Variants in PPP1R42 observed in about 807,000 individuals in gnomAD.
PPP1R42 encodes leucine rich repeat containing 67.
A neutral mutation model predicts 31.0 loss-of-function variants in PPP1R42; 34 were observed. The ratio of observed to expected loss-of-function variants is 1.10; its 90% CI spans 0.83 to 1.46. The LOEUF (loss-of-function observed/expected upper bound fraction) is 1.46. Among genes scored for constraint, PPP1R42 ranks in the 40% most tolerant of loss-of-function variants. The pLI, the probability that PPP1R42 is intolerant of heterozygous loss-of-function variation, is 0.00. For synonymous variants in PPP1R42, 103 were observed against 109.8 expected, an observed-to-expected ratio of 0.94 and a Z score of 0.39; for missense variants, 268 against 303.0, an observed-to-expected ratio of 0.88 and a Z score of 0.86.
intron 5 of PPP1R42, among the ~76,000 whole-genome samples, chr8:67,008,900 A>G (rs1815763512): frequency 6.6e-6 from 1 of 152,178 alleles, no homozygotes; most frequent in African/African-American, 2.4e-5. Context: ...TAGAGGCTAG[A>G]AGTTTTGCCC....
intron 6 of PPP1R42, among the ~76,000 whole-genome samples, chr8:66,987,535 A>T (rs1585649454): frequency 6.6e-6 from 1 of 151,722 alleles, no homozygotes; most frequent in African/African-American, 2.4e-5. Flanking sequence ...CAGGCAATCC[A>T]CCTACCGCGG....
chr8:67,020,182 T>G (rs1177601505), intron 1 of PPP1R42, among the ~76,000 whole-genome samples: 1 of 149,664 alleles, frequency 6.7e-6, no homozygotes, highest in Non-Finnish European at 1.5e-5. Flanking sequence ...GGTTTTTTGT[T>G]GTGTTTTGTT....
intron 5 of PPP1R42, among the ~76,000 whole-genome samples, chr8:67,006,212 G>T (rs2129536734): frequency 6.6e-6 from 1 of 152,270 alleles, no homozygotes; most frequent in African/African-American, 2.4e-5. Flanking sequence ...TCATCCTTCA[G>T]ATCTCAATGT....
intron 5 of PPP1R42, 58 bp downstream of exon 5, chr8:67,010,657 C>T: frequency 4.1e-6 from 5 of 1,208,666 alleles, no homozygotes; most frequent in Non-Finnish European, 5.9e-6. Context: ...TATTACAAAA[C>T]ATTTTTCAAT....
intron 1 of PPP1R42, among the ~76,000 whole-genome samples, chr8:67,028,048 T>G (rs1442616029): frequency 6.6e-6 from 1 of 152,212 alleles, no homozygotes; most frequent in African/African-American, 2.4e-5. Context: ...ATGGACCCCT[T>G]GGCTTTCATC....
chr8:66,968,839 T>A (rs565704603), intron 7 of PPP1R42, among the ~76,000 whole-genome samples: 1 of 152,316 alleles, frequency 6.6e-6, no homozygotes, highest in Non-Finnish European at 1.5e-5. Flanking sequence ...AAGGTGAAAG[T>A]ATTGCCTGAG....
chr8:67,020,902 G>A (rs1230377374), intron 1 of PPP1R42, among the ~76,000 whole-genome samples: 1 of 152,192 alleles, frequency 6.6e-6, no homozygotes, highest in Non-Finnish European at 1.5e-5. Flanking sequence ...CGTAAGCTAT[G>A]ATCATGCCAC....
intron 5 of PPP1R42, among the ~76,000 whole-genome samples, chr8:66,990,848 G>C (rs968161974): frequency 6.6e-6 from 1 of 152,140 alleles, no homozygotes; most frequent in Non-Finnish European, 1.5e-5. Flanking sequence ...TGACTCAACT[G>C]TGCAATGAAT....
chr8:67,026,602 G>A (rs1204396617), intron 1 of PPP1R42, among the ~76,000 whole-genome samples: 4 of 152,090 alleles, frequency 2.6e-5, no homozygotes, highest in Admixed American at 2.6e-4. Flanking sequence ...TTGGGAGGCT[G>A]AGGTGGGAGG....
intron 1 of PPP1R42, among the ~76,000 whole-genome samples, chr8:67,027,871 CGGTG>C (rs1171053253): frequency 6.6e-6 from 1 of 151,982 alleles, no homozygotes; most frequent in Non-Finnish European, 1.5e-5. Context: ...CCCAGGCCAC[CGGTG>C]GGAACAGCTT....
At chr8:67,005,513 T>TA (rs752749635) in intron 5 of PPP1R42, among the ~76,000 whole-genome samples, 5 of 152,192 alleles carry the variant, frequency 3.3e-5, no homozygotes, top group Admixed American at 6.5e-5. Context: ...TCCAGATGCT[T>TA]ACTTGACATG....
intron 5 of PPP1R42, among the ~76,000 whole-genome samples, chr8:67,003,033 C>T (rs1815550903): frequency 2.0e-5 from 3 of 150,070 alleles, no homozygotes; most frequent in African/African-American, 4.9e-5. Context: ...GGCGTGGTGG[C>T]GGGTGCCTGT....
intron 5 of PPP1R42, among the ~76,000 whole-genome samples, chr8:66,990,048 TA>T (rs1227401825): frequency 2.0e-5 from 3 of 152,358 alleles, no homozygotes; most frequent in Admixed American, 2.0e-4. Context: ...GTTGACTTTT[TA>T]TAAGAAAGTT....
intron 6 of PPP1R42, chr8:66,985,737 G>T: frequency 1.6e-6 from 2 of 1,273,568 alleles, no homozygotes; most frequent in Non-Finnish European, 2.3e-6. Context: ...GTGTAGGGGG[G>T]CTAATGAAGC....
intron 5 of PPP1R42, among the ~76,000 whole-genome samples, chr8:66,990,942 G>A (rs1031076672): frequency 6.6e-6 from 1 of 152,126 alleles, no homozygotes; most frequent in East Asian, 1.9e-4. Context: ...AACATGACAG[G>A]CCGTAGAAGT....
At chr8:66,993,399 C>G (rs1815246102) in intron 5 of PPP1R42, among the ~76,000 whole-genome samples, 1 of 152,222 alleles carries the variant, frequency 6.6e-6, no homozygotes. Flanking sequence ...GCAAAACTCT[C>G]TTTCATGCCT....
intron 5 of PPP1R42, among the ~76,000 whole-genome samples, chr8:67,001,687 G>A (rs1815496256): frequency 6.6e-6 from 1 of 152,138 alleles, no homozygotes; most frequent in Admixed American, 6.5e-5. Context: ...CACGTATAAT[G>A]TAAGAACTTT....
chr8:67,027,599 T>TA (rs1449390544), intron 1 of PPP1R42, among the ~76,000 whole-genome samples: 1 of 152,246 alleles, frequency 6.6e-6, no homozygotes, highest in Non-Finnish European at 1.5e-5. Flanking sequence ...TTCATCTTGT[T>TA]AAAAACAATA....
chr8:66,984,606 G>A, intron 6 of PPP1R42: 1 of 1,187,066 alleles, frequency 8.4e-7, no homozygotes, highest in Admixed American at 1.7e-5. Flanking sequence ...ACAGATACGT[G>A]TACCCCCTGT....
Sources: allele counts gnomAD v4.1 joint callset (sites outside exome capture counted in the v4.1 genomes callset), GRCh38; gene constraint gnomAD v4.1.1; transcripts MANE v1.5; gene names NCBI Gene and HGNC (gene_info 2026-07-23, HGNC 2026-07-21).